PTPRT: variants seen among roughly 807,000 people sequenced by gnomAD.
PTPRT encodes protein tyrosine phosphatase receptor type T.
In PTPRT, 56 loss-of-function variants were observed where a neutral mutation model predicts 176.8. The ratio of observed to expected loss-of-function variants is 0.32; its 90% CI spans 0.26 to 0.40. The LOEUF is 0.40. Ranked by LOEUF, PTPRT falls within the 10% of genes least tolerant of loss-of-function variation. The pLI, the probability that PTPRT is intolerant of heterozygous loss-of-function variation, is 1.00. For synonymous variants in PTPRT, 783 were observed against 739.0 expected, an observed-to-expected ratio of 1.06 and a Z score of -0.96; for missense variants, 1,540 against 1,908.2, an observed-to-expected ratio of 0.81 and a Z score of 3.60.
At chr20:42,869,613 G>C (rs914788312) in intron 2 of PTPRT, among the ~76,000 whole-genome samples, 6 of 152,196 alleles carry the variant, frequency 3.9e-5, no homozygotes, top group Non-Finnish European at 7.3e-5. Flanking sequence ...CACAGCTGGA[G>C]AGCAATTTGC....
chr20:42,369,555 A>G (rs756259813), intron 9 of PTPRT, among the ~76,000 whole-genome samples: 13 of 152,196 alleles, frequency 8.5e-5, no homozygotes, highest in Non-Finnish European at 1.6e-4. Context: ...AAGCCACAAA[A>G]TAAAAATGAA....
chr20:42,814,040 C>A (rs1163630967), intron 2 of PTPRT, among the ~76,000 whole-genome samples: 1 of 152,044 alleles, frequency 6.6e-6, no homozygotes, highest in Non-Finnish European at 1.5e-5. Flanking sequence ...GATAATGATA[C>A]CCAGTAAACT....
intron 13 of PTPRT, among the ~76,000 whole-genome samples, chr20:42,258,050 C>T (rs11907838): frequency 0.04 from 6,054 of 152,060 alleles, 378 homozygotes; most frequent in African/African-American, 0.14. Context: ...GGGGGAGAGA[C>T]CGTTCAGCAG....
At chr20:42,109,691 A>C (rs1986838001) in intron 23 of PTPRT, among the ~76,000 whole-genome samples, 1 of 152,188 alleles carries the variant, frequency 6.6e-6, no homozygotes. Flanking sequence ...CCTCCTCAGC[A>C]CTTGAGTTTT....
At chr20:42,962,957 G>A (rs1255407135) in intron 1 of PTPRT, among the ~76,000 whole-genome samples, 1 of 152,162 alleles carries the variant, frequency 6.6e-6, no homozygotes, top group Non-Finnish European at 1.5e-5. Flanking sequence ...CCAGCACTTT[G>A]GGAGGCTGAG....
intron 24 of PTPRT, among the ~76,000 whole-genome samples, chr20:42,106,516 C>T (rs915352537): frequency 6.6e-6 from 1 of 152,148 alleles, no homozygotes; most frequent in East Asian, 1.9e-4. Flanking sequence ...GTCATTCTGT[C>T]CCTGCTTGGA....
chr20:42,306,472 C>A (rs531054664), intron 12 of PTPRT, among the ~76,000 whole-genome samples: 1 of 152,134 alleles, frequency 6.6e-6, no homozygotes, highest in African/African-American at 2.4e-5. Context: ...GATGTTTACC[C>A]GATTGAGATT....
intron 15 of PTPRT, among the ~76,000 whole-genome samples, chr20:42,216,683 C>T (rs1315743048): frequency 1.3e-5 from 2 of 152,156 alleles, no homozygotes; most frequent in East Asian, 1.9e-4. Flanking sequence ...AATTGAGTGA[C>T]ACTTTCCATT....
At chr20:42,771,245 C>T (rs1412166639) in intron 5 of PTPRT, among the ~76,000 whole-genome samples, 190 bp downstream of exon 5, 1 of 152,160 alleles carries the variant, frequency 6.6e-6, no homozygotes, top group Non-Finnish European at 1.5e-5. Flanking sequence ...TCTCACAAGC[C>T]CAGACCTCTC....
chr20:42,935,724 G>C (rs1161078867), intron 1 of PTPRT, among the ~76,000 whole-genome samples: 1 of 152,108 alleles, frequency 6.6e-6, no homozygotes, highest in Non-Finnish European at 1.5e-5. Flanking sequence ...GTCTAGTCCA[G>C]TCCAGTCCAG....
At chr20:43,176,977 G>C (rs1422658964) in intron 1 of PTPRT, among the ~76,000 whole-genome samples, 1 of 152,174 alleles carries the variant, frequency 6.6e-6, no homozygotes, top group African/African-American at 2.4e-5. Flanking sequence ...ATCTGCTTCA[G>C]CTCTGTGTAG....
chr20:42,426,314 A>C (rs916035233), intron 9 of PTPRT, among the ~76,000 whole-genome samples: 2 of 152,126 alleles, frequency 1.3e-5, no homozygotes, highest in African/African-American at 4.8e-5. Context: ...AGAGGAGAGA[A>C]GAGAAGGAGC....
intron 5 of PTPRT, 69 bp from the exon 6 acceptor site, chr20:42,756,705 C>T (rs1468623676): frequency 3.4e-5 from 45 of 1,332,910 alleles, no homozygotes; most frequent in South Asian, 6.2e-5. Flanking sequence ...ACTCCCAACA[C>T]GGATATCCAC....
chr20:42,085,417 G>C (rs970389033), intron 28 of PTPRT, among the ~76,000 whole-genome samples: 7 of 152,190 alleles, frequency 4.6e-5, no homozygotes, highest in African/African-American at 1.7e-4. Flanking sequence ...CCAATCAAAG[G>C]CTGCATCAAC....
chr20:42,119,889 A>T lies in PTPRT; in HGVS notation c.2884+46T>A, dbSNP rs770841712. On this transcript the variant is annotated intron_variant, in intron 20 of 30. Transcript: ENST00000373187. ...AGTTAAGAGAGCCCTTTCCCCTGGG[A>T]CCCCTGAAGCCTCTCTGAGGCACTA... 19 of 1,546,332 alleles carry T rather than the reference A, an allele frequency of 1.2e-5. No individual in the cohort carries two copies. The East Asian group carries it at 4.4e-4, about 36-fold the overall frequency.
intron 16 of PTPRT, 138 bp from the exon 17 acceptor site, chr20:42,161,680 T>A: frequency 1.3e-6 from 1 of 776,760 alleles, no homozygotes; most frequent in South Asian, 1.9e-5. Flanking sequence ...TGCAAAAGGA[T>A]TGGAGATACA....
At chr20:42,979,921 C>G (rs949192865) in intron 1 of PTPRT, among the ~76,000 whole-genome samples, 1 of 10,256 alleles carries the variant, frequency 9.8e-5, no homozygotes. Context: ...CACAGGCATG[C>G]CTGGAGGGGG....
chr20:43,167,292 A>G lies in PTPRT; in HGVS notation c.88+22354T>C, dbSNP rs115375655. Among the ~76,000 whole-genome samples the G allele has an allele frequency of 4.0e-3, 613 of 152,358 alleles. 4 individuals are homozygous for G. Among genetic ancestry groups the G allele is most frequent in the African/African-American group, 0.014 (575 of 41,582 alleles). Reference sequence around the variant, plus strand: ...TTTCAAACTCTCTTCAAGACACTTAATAAATTAACCAAGGTAAATAAGTAA... The same window carrying G: ...TTTCAAACTCTCTTCAAGACACTTAGTAAATTAACCAAGGTAAATAAGTAA... On this transcript the variant is annotated intron_variant, in intron 1 of 30. Coordinates refer to ENST00000373187, the MANE Select transcript of PTPRT (RefSeq NM_007050.6).
intron 1 of PTPRT, among the ~76,000 whole-genome samples, chr20:43,057,480 G>A (rs928554978): frequency 6.6e-6 from 1 of 151,870 alleles, no homozygotes; most frequent in Non-Finnish European, 1.5e-5. Flanking sequence ...AAGGAAAAGG[G>A]AATGAAAGGG....
Sources: gnomAD v4.1 joint callset for allele counts (sites outside exome capture counted in the v4.1 genomes callset) on GRCh38, gnomAD v4.1.1 for gene constraint, MANE v1.5 for transcripts, NCBI Gene and HGNC (gene_info 2026-07-23, HGNC 2026-07-21) for gene names.